The following RRBP1 variants were observed in gnomAD, a reference collection of about 807,000 sequenced individuals.
RRBP1 encodes ribosome-binding protein 1.
In RRBP1, 94 loss-of-function variants were observed where a neutral mutation model predicts 165.2. The ratio of observed to expected loss-of-function variants is 0.57; its 90% CI spans 0.48 to 0.68. The LOEUF is 0.68. RRBP1 is among the 30% of genes least tolerant of loss of function. RRBP1 has a pLI of 0.00. For synonymous variants in RRBP1, 680 were observed against 714.5 expected (o/e 0.95, Z 0.77); for missense variants, 1,676 against 1,763.0 (o/e 0.95, Z 0.88).
At chr20:17,619,773 T>C in intron 18 of RRBP1, 45 bp from the exon 19 acceptor site, 2 of 1,432,706 alleles carry the variant, frequency 1.4e-6, no homozygotes, top group South Asian at 2.6e-5. Context: ...CAGCAGCCTC[T>C]GCTCAAAGGG....
At chr20:17,631,380 G>A (rs1018738083) in intron 8 of RRBP1, among the ~76,000 whole-genome samples, 3 of 152,200 alleles carry the variant, frequency 2.0e-5, no homozygotes, top group African/African-American at 7.2e-5. Flanking sequence ...ATGTTCTTCC[G>A]TTTGTTACTA....
chr20:17,619,590 G>T, intron 19 of RRBP1, 43 bp downstream of exon 19: 2 of 1,455,990 alleles, frequency 1.4e-6, no homozygotes, highest in South Asian at 1.2e-5. Flanking sequence ...GAGGACCGCA[G>T]ATCTGCTGGG....
At chr20:17,628,841 T>C (rs1001140826) in intron 9 of RRBP1, among the ~76,000 whole-genome samples, 11 of 152,332 alleles carry the variant, frequency 7.2e-5, no homozygotes, top group Admixed American at 7.2e-4. Context: ...ACCTCCATTT[T>C]TCCAAGTGAT....
intron 4 of RRBP1, among the ~76,000 whole-genome samples, chr20:17,642,433 G>A (rs956124640): frequency 6.6e-6 from 1 of 152,160 alleles, no homozygotes; most frequent in African/African-American, 2.4e-5. Context: ...TGGCCAGGAA[G>A]GGAGTGACCC....
intron 2 of RRBP1, among the ~76,000 whole-genome samples, chr20:17,665,995 T>G (rs987183802): frequency 6.6e-6 from 1 of 152,204 alleles, no homozygotes; most frequent in African/African-American, 2.4e-5. Flanking sequence ...TGCCATTCAG[T>G]GGATCTGTTT....
At chr20:17,619,801 A>G (rs1450814639) in intron 18 of RRBP1, 73 bp from the exon 19 acceptor site, 1 of 1,168,938 alleles carries the variant, frequency 8.6e-7, no homozygotes, top group African/African-American at 1.5e-5. Flanking sequence ...CTCAGGGAGC[A>G]GGCTGGCCCT....
chr20:17,635,789 C>T (rs1032824494), intron 6 of RRBP1, 125 bp from the exon 7 acceptor site: 9 of 751,190 alleles, frequency 1.2e-5, no homozygotes, highest in East Asian at 2.6e-5. Flanking sequence ...ACCTTTTCCA[C>T]GTGGAAGTTA....
In RRBP1 at chr20:17,635,606, T is replaced by C; in HGVS notation, c.2396A>G (p.Gln799Arg). The C allele has an allele frequency of 6.2e-7, 1 of 1,613,460 alleles. No individual in the cohort carries two copies. The highest frequency in any genetic ancestry group is 8.5e-7 in the Non-Finnish European group (1 of 1,179,880). ...NGPNTQLARL[Q>R]QENSILRDAL... ...ATCCCGCAGGATGGAGTTCTCCTGC[T>C]GCAGGCGGGCCAGCTGCGTGTTGGG... The change falls in exon 7 of 25, where the codon CAG becomes CGG. Residue 799 changes from glutamine (Q) to arginine (R), a missense_variant. By Grantham distance (43) the Gln-to-Arg change is conservative. This residue lies in a region of RRBP1 where 1,184 missense variants were observed against 1,167.1 expected (regional missense o/e 1.01). Transcript: ENST00000377813.
chr20:17,644,955 C>A (rs1010170602), intron 3 of RRBP1, among the ~76,000 whole-genome samples: 1 of 152,224 alleles, frequency 6.6e-6, no homozygotes, highest in Non-Finnish European at 1.5e-5. Context: ...TACATCACAT[C>A]CATGGCTCAC....
intron 3 of RRBP1, among the ~76,000 whole-genome samples, chr20:17,650,187 C>A (rs2036530192): frequency 6.6e-6 from 1 of 151,626 alleles, no homozygotes; most frequent in South Asian, 2.1e-4. Context: ...TATAGAAAAA[C>A]TGGAAAATGC....
At chr20:17,670,315 T>C (rs73599762) in intron 2 of RRBP1, among the ~76,000 whole-genome samples, 1,754 of 152,262 alleles carry the variant, frequency 0.012, 75 homozygotes, top group East Asian at 0.079. Context: ...GTATGAGATC[T>C]GACTGATGGT....
At chr20:17,681,692 C>G (rs1345429538) in intron 1 of RRBP1, among the ~76,000 whole-genome samples, 1 of 150,130 alleles carries the variant, frequency 6.7e-6, no homozygotes, top group Non-Finnish European at 1.5e-5. Context: ...GCGCGCTGGC[C>G]GGCCCGACGG....
At chr20:17,649,975 C>T (rs1184199678) in intron 3 of RRBP1, among the ~76,000 whole-genome samples, 1 of 152,076 alleles carries the variant, frequency 6.6e-6, no homozygotes, top group Non-Finnish European at 1.5e-5. Context: ...CTTCTGGAGG[C>T]CTCAGAAGAG....
chr20:17,620,514 C>A (rs531884487), intron 17 of RRBP1, 144 bp from the exon 18 acceptor site: 2 of 861,688 alleles, frequency 2.3e-6, no homozygotes, highest in Non-Finnish European at 1.9e-6. Flanking sequence ...GTCACCCTGG[C>A]GCCATCTGGC....
intron 2 of RRBP1, among the ~76,000 whole-genome samples, chr20:17,665,172 G>T (rs1361097059): frequency 3.3e-5 from 5 of 152,084 alleles, no homozygotes; most frequent in African/African-American, 1.2e-4. Context: ...TCTAGAGGGG[G>T]ACAACACCCT....
At chr20:17,651,048 G>A (rs1228046445) in intron 3 of RRBP1, among the ~76,000 whole-genome samples, 3 of 152,162 alleles carry the variant, frequency 2.0e-5, no homozygotes, top group South Asian at 2.1e-4. Context: ...CCCGGAACAC[G>A]GGGAAGCTTC....
intron 2 of RRBP1, among the ~76,000 whole-genome samples, chr20:17,666,259 C>A (rs2036865122): frequency 6.6e-6 from 1 of 151,844 alleles, no homozygotes; most frequent in Admixed American, 6.6e-5. Flanking sequence ...GTAGTCCAAG[C>A]TACTTGGGGG....
At position 17,636,649 on chromosome 20, in the gene RRBP1, G is replaced by T. The variant is rs769003656; in HGVS notation, c.2265C>A (p.Ile755=). 1.9e-6 allele frequency: 3 copies of T among 1,613,232 alleles called. No individual in the cohort carries two copies. The highest frequency in any genetic ancestry group is 2.5e-6 in the Non-Finnish European group (3 of 1,180,028). The part of the protein sequence containing the change: ...KKQLVAREQE[I]TAVQARMQAS... ...CCTGCATGCGTGCCTGCACAGCCGT[G>T]ATCTCCTGCTCCCGGGCCACCAGCT... The change falls in exon 6 of 25, where the codon ATC becomes ATA. Residue 755 remains isoleucine, a synonymous_variant. Transcript: ENST00000377813.
chr20:17,616,666 G>T (rs2035806699), intron 21 of RRBP1, 66 bp downstream of exon 21: 6 of 1,103,880 alleles, frequency 5.4e-6, no homozygotes, highest in Non-Finnish European at 8.0e-6. Context: ...AGTCCGAACG[G>T]AGGCAGCAGG....
Sources: allele counts gnomAD v4.1 joint callset (sites outside exome capture counted in the v4.1 genomes callset), GRCh38; gene constraint gnomAD v4.1.1; regional missense constraint gnomAD v4.1.1; transcripts MANE v1.5; gene names NCBI Gene and HGNC (gene_info 2026-07-23, HGNC 2026-07-21).